The following CAST variants were observed in gnomAD, a reference collection of about 807,000 sequenced individuals.
The protein encoded by CAST is MIR583 host.
In CAST, 76 loss-of-function variants were observed where a neutral mutation model predicts 119.6. The ratio of observed to expected loss-of-function variants is 0.64; its 90% confidence interval spans 0.53 to 0.77. CAST has a LOEUF of 0.77. CAST is among the 30% of genes least tolerant of loss of function. The probability of loss-of-function intolerance (pLI) is 0.00; values close to 1 mark genes in which losing one functional copy is unlikely to be tolerated. For missense variants in CAST, 953 were observed against 946.5 expected (o/e 1.01, Z -0.09); for synonymous variants, 319 against 331.6 (o/e 0.96, Z 0.41).
chr5:96,409,913 T>A, the CAST span, among the ~76,000 whole-genome samples: 1 of 152,146 alleles, frequency 6.6e-6, no homozygotes. Context: ...TGTTGACAAT[T>A]TTGTTGAGAT....
At chr5:96,415,324 C>T in the CAST span, among the ~76,000 whole-genome samples, 1 of 152,184 alleles carries the variant, frequency 6.6e-6, no homozygotes, top group Non-Finnish European at 1.5e-5. Context: ...TGTTGTTGTA[C>T]TCAAGGCCTA....
chr5:96,428,029 A>G, the CAST span, among the ~76,000 whole-genome samples: 1 of 151,876 alleles, frequency 6.6e-6, no homozygotes, highest in Non-Finnish European at 1.5e-5. Context: ...CTATACGGTC[A>G]CTGTCCGTGG....
At chr5:96,173,834 G>A in the CAST span, among the ~76,000 whole-genome samples, 309 of 151,616 alleles carry the variant, frequency 2.0e-3, no homozygotes, top group African/African-American at 6.9e-3. Flanking sequence ...TCCGCCTCAC[G>A]GGTTCACACC....
chr5:95,968,230 C>T, the CAST span, among the ~76,000 whole-genome samples: 1 of 152,122 alleles, frequency 6.6e-6, no homozygotes, highest in Admixed American at 6.5e-5. Context: ...CACAAACACC[C>T]AATATCCTTC....
At chr5:96,010,225 T>C in the CAST span, among the ~76,000 whole-genome samples, 5 of 152,212 alleles carry the variant, frequency 3.3e-5, no homozygotes, top group South Asian at 2.1e-4. Context: ...GATTGGGTAG[T>C]GTGATCTCTC....
the CAST span, among the ~76,000 whole-genome samples, chr5:96,209,250 T>C: frequency 1.3e-5 from 2 of 151,930 alleles, no homozygotes; most frequent in African/African-American, 4.8e-5. Context: ...CAGGATACAG[T>C]TAGGTCTTAC....
intron 1 of CAST, among the ~76,000 whole-genome samples, chr5:96,610,322 T>A (rs1747335634): frequency 6.6e-6 from 1 of 152,186 alleles, no homozygotes; most frequent in Admixed American, 6.5e-5. Flanking sequence ...AAGTACCCCG[T>A]CTCAGGTATG....
chr5:95,969,125 T>C, the CAST span, among the ~76,000 whole-genome samples: 2 of 152,174 alleles, frequency 1.3e-5, no homozygotes, highest in African/African-American at 4.8e-5. Flanking sequence ...CAGTAATCTG[T>C]TTTCACAGGA....
chr5:96,727,659 C>A, intron 6 of CAST, 129 bp downstream of exon 6: 1 of 522,492 alleles, frequency 1.9e-6, no homozygotes. Context: ...ATTTTTAGAC[C>A]CTTTTGAATG....
At chr5:96,564,915 A>G (rs1746440595) in intron 1 of CAST, among the ~76,000 whole-genome samples, 1 of 152,202 alleles carries the variant, frequency 6.6e-6, no homozygotes. Context: ...TCTCAAAAAA[A>G]AGTCACCTAT....
the CAST span, among the ~76,000 whole-genome samples, chr5:96,518,417 C>G: frequency 6.6e-6 from 1 of 152,186 alleles, no homozygotes; most frequent in African/African-American, 2.4e-5. Context: ...CAACACCTTC[C>G]TACTTCAGTG....
At chr5:96,678,757 G>A (rs2150255761) in intron 2 of CAST, among the ~76,000 whole-genome samples, 1 of 152,166 alleles carries the variant, frequency 6.6e-6, no homozygotes, top group Admixed American at 6.5e-5. Context: ...TGAGGCAGGA[G>A]AATCACTTGA....
chr5:96,188,633 C>G, the CAST span, among the ~76,000 whole-genome samples: 6 of 152,210 alleles, frequency 3.9e-5, no homozygotes, highest in South Asian at 1.2e-3. Context: ...GTCTTTCCCT[C>G]CCCCCTTTAA....
the CAST span, chr5:95,961,716 C>T: frequency 1.3e-5 from 21 of 1,604,622 alleles, no homozygotes; most frequent in Non-Finnish European, 1.6e-5. Context: ...TCCCCCCCGC[C>T]GCCATCTTAA....
At chr5:95,965,030 C>T in the CAST span, 1 of 152,204 alleles carries the variant, frequency 6.6e-6, no homozygotes, top group East Asian at 1.9e-4. Flanking sequence ...ATGACTGTTT[C>T]TCACATCTTT....
At chr5:96,131,438 CACACAT>C in the CAST span, among the ~76,000 whole-genome samples, 1 of 151,946 alleles carries the variant, frequency 6.6e-6, no homozygotes, top group East Asian at 1.9e-4. Flanking sequence ...CACACACACA[CACACAT>C]ACATACTAAA....
At chr5:96,520,466 C>T (rs1166678086), upstream of CAST, among the ~76,000 whole-genome samples, 1 of 152,142 alleles carries the variant, frequency 6.6e-6, no homozygotes, top group East Asian at 1.9e-4. Flanking sequence ...AATGCTTCAC[C>T]TCAACCAGAC....
At chr5:96,536,456 C>T (rs143584835) in intron 1 of CAST, among the ~76,000 whole-genome samples, 254 of 152,182 alleles carry the variant, frequency 1.7e-3, no homozygotes, top group South Asian at 4.1e-3. Flanking sequence ...GGTGTATTTG[C>T]GACATGGAGA....
chr5:96,555,205 T>C (rs1580822169), intron 1 of CAST, among the ~76,000 whole-genome samples: 1 of 152,300 alleles, frequency 6.6e-6, no homozygotes, highest in Non-Finnish European at 1.5e-5. Context: ...ATATACACCA[T>C]GGAGTACTAT....
Sources: allele counts gnomAD v4.1 joint callset (sites outside exome capture counted in the v4.1 genomes callset), GRCh38; gene constraint gnomAD v4.1.1; transcripts MANE v1.5; gene names NCBI Gene and HGNC (gene_info 2026-07-23, HGNC 2026-07-21).